Variants in ABLIM3 observed in about 807,000 individuals in gnomAD.
ABLIM3 encodes the protein actin-binding LIM protein 3.
A neutral mutation model predicts 109.5 loss-of-function variants in ABLIM3; 61 were observed. The ratio of observed to expected loss-of-function variants is 0.56; its 90% CI spans 0.45 to 0.69. The LOEUF (loss-of-function observed/expected upper bound fraction) is 0.69. Ranked by LOEUF, ABLIM3 falls within the 30% of genes least tolerant of loss-of-function variation. The pLI is 0.00. For synonymous variants in ABLIM3, 300 were observed against 324.8 expected (o/e 0.92, Z 0.82); for missense variants, 796 against 889.5 (o/e 0.89, Z 1.34).
At chr5:149,223,656 G>T (rs1760888979) in intron 8 of ABLIM3, among the ~76,000 whole-genome samples, 1 of 152,154 alleles carries the variant, frequency 6.6e-6, no homozygotes, top group East Asian at 1.9e-4. Context: ...CCATGCAGTA[G>T]GACAGAGGGC....
chr5:149,173,711 G>C (rs925118916), intron 2 of ABLIM3, among the ~76,000 whole-genome samples: 1 of 151,992 alleles, frequency 6.6e-6, no homozygotes, highest in Non-Finnish European at 1.5e-5. Flanking sequence ...AAGCTGGCCA[G>C]GGGTAAGGCA....
In ABLIM3 at chr5:149,252,762, C is replaced by A. The variant is rs1266563892; in HGVS notation, c.1863C>A (p.Tyr621Ter). ...VNWGMREYKIYPYELLLVTTR... is the reference protein window; with the variant it reads ...VNWGMREYKI The stretch of plus-strand genomic sequence containing the variant: ...CCACCCCCCTTTCTCCTTAGATCTA[C>A]CCTTATGAACTGCTGCTGGTGACTA... The change falls in exon 23 of 24, where the codon TAC (tyrosine) becomes TAA (stop). Residue 621 changes from tyrosine (Y) to a stop codon, truncating the protein, a stop_gained. Transcript: ENST00000309868. LOFTEE classifies it high-confidence loss of function. The A allele has an allele frequency of 6.2e-7, 1 of 1,613,102 alleles. No individual in the cohort carries two copies. The highest frequency in any genetic ancestry group is 1.1e-5 in the South Asian group (1 of 91,044).
rs578006640 is a variant in ABLIM3, at chr5:149,215,684, C to T, written c.670-1275C>T. ...TCCATCAGTTTCCCCTGGGCATTAC[C>T]CTCCCCCAAAGAAAACCCTGCCCTG... On this transcript the variant is annotated intron_variant, in intron 7 of 23. Coordinates refer to ENST00000309868, the MANE Select transcript of ABLIM3 (RefSeq NM_014945.5). Among the ~76,000 whole-genome samples the T allele has an allele frequency of 5.9e-5, 9 of 152,232 alleles. No homozygotes were observed. The South Asian group carries it at 1.9e-3, about 32-fold the overall frequency.
Position 149,207,948 on chromosome 5 carries a change from T to C in ABLIM3, c.575+814T>C, listed in dbSNP as rs539419161. 1.3e-4 allele frequency among the ~76,000 whole-genome samples: 20 copies of C among 152,344 alleles called. 1 individual carries two copies. The South Asian group carries it at 3.9e-3, about 30-fold the overall frequency. ...ACCTAAAAGTAATTATCAGCACAGA[T>C]CCTTTGTCACAGCTTTGACATCATA... On this transcript the variant is annotated intron_variant, in intron 6 of 23. Coordinates refer to ENST00000309868, the MANE Select transcript of ABLIM3 (RefSeq NM_014945.5).
Position 149,206,540 on chromosome 5 carries a change from C to A in ABLIM3, c.449-468C>A, listed in dbSNP as rs75062313. 9.8e-3 allele frequency among the ~76,000 whole-genome samples: 1,490 copies of A among 152,290 alleles called. 18 individuals carry two copies. The highest frequency in any genetic ancestry group is 0.034 in the African/African-American group (1,425 of 41,558). On this transcript the variant is annotated intron_variant, in intron 5 of 23. Coordinates refer to ENST00000309868, the MANE Select transcript of ABLIM3 (RefSeq NM_014945.5). ...GTATATAGCCTAAGGGTTTGAAAAA[C>A]TGTATACTTAGCCCATCCCCAGGAG...
At chr5:149,149,293 T>G (rs984264503) in intron 2 of ABLIM3, among the ~76,000 whole-genome samples, 2 of 152,250 alleles carry the variant, frequency 1.3e-5, no homozygotes, top group African/African-American at 4.8e-5. Flanking sequence ...TGCAGGGTTC[T>G]TCTAAGGATT....
intron 8 of ABLIM3, chr5:149,220,672 T>G (rs1347668267): frequency 6.6e-6 from 1 of 152,136 alleles, no homozygotes; most frequent in Non-Finnish European, 1.5e-5. Context: ...AAAACCCTGC[T>G]CCTGGGTAGC....
At chr5:149,141,741 T>C in intron 1 of ABLIM3, 87 bp downstream of exon 1, 1 of 294,962 alleles carries the variant, frequency 3.4e-6, no homozygotes, top group Non-Finnish European at 6.4e-6. Context: ...ACACCCCCTT[T>C]GGGCTCCGGA....
intron 2 of ABLIM3, among the ~76,000 whole-genome samples, chr5:149,146,726 T>C (rs1752964543): frequency 6.6e-6 from 1 of 152,248 alleles, no homozygotes; most frequent in African/African-American, 2.4e-5. Context: ...AGCCTTATAA[T>C]ATAGTTTGAA....
intron 10 of ABLIM3, among the ~76,000 whole-genome samples, chr5:149,233,928 G>A (rs1306923326): frequency 6.6e-6 from 1 of 152,172 alleles, no homozygotes; most frequent in Non-Finnish European, 1.5e-5. Context: ...CAGAAGTTGA[G>A]TTCAATGACC....
Position 149,259,348 on chromosome 5 carries a change from A to G in ABLIM3, c.*944A>G. The G allele has an allele frequency of 7.0e-7, 1 of 1,437,860 alleles. No homozygotes were observed. 89.1% of individuals were successfully genotyped at this position (1,437,860 alleles called of 1,614,324 possible). On this transcript the variant is annotated 3_prime_UTR_variant, in exon 24 of 24. Transcript: ENST00000309868. ...ATCTATGTGCCTGACAACTCAACAC[A>G]CCGCAGGGCTAATGTTCCCACCAGA...
intron 23 of ABLIM3, among the ~76,000 whole-genome samples, chr5:149,256,444 C>T (rs187155163): frequency 4.1e-4 from 62 of 152,294 alleles, no homozygotes; most frequent in African/African-American, 1.4e-3. Context: ...GTCAATAGTA[C>T]AAAGAAAGAG....
chr5:149,221,891 G>A (rs1411677942), intron 8 of ABLIM3, among the ~76,000 whole-genome samples: 1 of 152,044 alleles, frequency 6.6e-6, no homozygotes, highest in African/African-American at 2.4e-5. Flanking sequence ...CTACCCTTCT[G>A]TCTACACCAA....
chr5:149,228,637 A>C (rs908869722), intron 8 of ABLIM3, among the ~76,000 whole-genome samples: 4 of 152,204 alleles, frequency 2.6e-5, no homozygotes, highest in Non-Finnish European at 5.9e-5. Context: ...TGAACAAATC[A>C]TCTTTTCTTG....
At chr5:149,248,006 C>G in intron 18 of ABLIM3, 77 bp downstream of exon 18, 1 of 1,520,254 alleles carries the variant, frequency 6.6e-7, no homozygotes, top group Non-Finnish European at 8.8e-7. Flanking sequence ...GCTGTTTGCT[C>G]TGAGCCAGGC....
chr5:149,194,138 G>C lies in ABLIM3; in HGVS notation c.152-4081G>C, dbSNP rs74691074. Among the ~76,000 whole-genome samples, 1,830 of 151,686 alleles carry C rather than the reference G, an allele frequency of 0.012. 84 individuals are homozygous for C. In the East Asian group the frequency reaches 0.15, roughly 13 times the overall value. ...CAAAAACAAGAAAAGGGGAGCAAAA[G>C]CAAGCCCCAAATTGCAGAAGATATT... On this transcript the variant is annotated intron_variant, in intron 3 of 23. Transcript: ENST00000309868.
At chr5:149,162,307 G>A (rs375173995) in intron 2 of ABLIM3, among the ~76,000 whole-genome samples, 2 of 152,148 alleles carry the variant, frequency 1.3e-5, no homozygotes, top group Non-Finnish European at 2.9e-5. Context: ...GGGGTTATAG[G>A]TAAATGGGGC....
chr5:149,218,190 A>G (rs1760288114), intron 8 of ABLIM3: 1 of 152,326 alleles, frequency 6.6e-6, no homozygotes, highest in Non-Finnish European at 1.5e-5. Flanking sequence ...TATTTCTCAC[A>G]GTTCTGGAAG....
chr5:149,228,539 A>G (rs944444520), intron 8 of ABLIM3, among the ~76,000 whole-genome samples: 1 of 152,188 alleles, frequency 6.6e-6, no homozygotes, highest in Non-Finnish European at 1.5e-5. Context: ...CTTCTTCACC[A>G]TGATGTTATC....
Sources: gnomAD v4.1 joint callset for allele counts (sites outside exome capture counted in the v4.1 genomes callset) on GRCh38, gnomAD v4.1.1 for gene constraint, MANE v1.5 for transcripts, NCBI Gene and HGNC (gene_info 2026-07-23, HGNC 2026-07-21) for gene names.